Variants in MTUS2 observed in about 807,000 individuals in gnomAD.
MTUS2 encodes microtubule associated scaffold protein 2.
A neutral mutation model predicts 114.1 loss-of-function variants in MTUS2; 40 were observed. The ratio of observed to expected loss-of-function variants is 0.35; its 90% CI spans 0.27 to 0.46. MTUS2 has a LOEUF of 0.46. Among genes scored for constraint, MTUS2 ranks in the 20% least tolerant of loss-of-function variants. The pLI is 1.00. For synonymous variants in MTUS2, 688 were observed against 672.0 expected (o/e 1.02, Z -0.37); for missense variants, 1,679 against 1,705.4 (o/e 0.98, Z 0.27).
intron 8 of MTUS2, among the ~76,000 whole-genome samples, chr13:29,365,424 C>A (rs1870619978): frequency 6.6e-6 from 1 of 151,922 alleles, no homozygotes; most frequent in Non-Finnish European, 1.5e-5. Context: ...AAGATGAGAA[C>A]AGATACCTGA....
intron 5 of MTUS2, among the ~76,000 whole-genome samples, chr13:29,251,193 G>A (rs1435061045): frequency 6.6e-6 from 1 of 151,938 alleles, no homozygotes; most frequent in Non-Finnish European, 1.5e-5. Flanking sequence ...AAGCTTTGGG[G>A]TTAAAACCTT....
At chr13:29,435,565 G>A (rs1877342752) in intron 8 of MTUS2, among the ~76,000 whole-genome samples, 1 of 152,174 alleles carries the variant, frequency 6.6e-6, no homozygotes, top group South Asian at 2.1e-4. Context: ...ACTGGATTCT[G>A]TTGAACCTTG....
At chr13:29,429,031 C>G in intron 8 of MTUS2, 1 of 845,320 alleles carries the variant, frequency 1.2e-6, no homozygotes. Flanking sequence ...GCTCCCTTTA[C>G]TCGTTCCAAT....
At chr13:29,083,873 G>C (rs964714350) in intron 4 of MTUS2, among the ~76,000 whole-genome samples, 1 of 152,116 alleles carries the variant, frequency 6.6e-6, no homozygotes, top group Non-Finnish European at 1.5e-5. Context: ...GAGTGTCCAT[G>C]CTCACTATGG....
chr13:28,975,004 G>A (rs1307805333), intron 2 of MTUS2, among the ~76,000 whole-genome samples: 4 of 152,194 alleles, frequency 2.6e-5, no homozygotes, highest in African/African-American at 9.6e-5. Flanking sequence ...GGAAATGTAA[G>A]GATCGAGTGA....
At chr13:29,307,424 C>T in intron 6 of MTUS2, 2 of 1,261,768 alleles carry the variant, frequency 1.6e-6, no homozygotes, top group Admixed American at 3.5e-5. Context: ...GCTGCCAAGG[C>T]TGTGGCCAAG....
chr13:29,492,762 G>T, intron 12 of MTUS2, 43 bp downstream of exon 12: 7 of 1,454,408 alleles, frequency 4.8e-6, no homozygotes, highest in Non-Finnish European at 6.8e-6. Flanking sequence ...CGAGATAATG[G>T]CAGCATCATT....
intron 2 of MTUS2, among the ~76,000 whole-genome samples, chr13:28,901,703 G>A (rs780616757): frequency 6.6e-6 from 1 of 152,096 alleles, no homozygotes; most frequent in Non-Finnish European, 1.5e-5. Context: ...TCTCTGCTGT[G>A]TTCCATTGGT....
rs1883076402 is a variant in MTUS2 at position 29,503,981 on chromosome 13, GTTACC to G, written c.*776_*780del. The G allele has an allele frequency of 4.3e-6, 1 of 231,316 alleles. No homozygotes were observed. The highest frequency in any genetic ancestry group is 1.8e-4 in the South Asian group (1 of 5,522). 14.3% of individuals were successfully genotyped at this position (231,316 alleles called of 1,614,324 possible). Reference sequence around the variant, plus strand: ...AAGGGGGTTTAGCAGTTTTGCAGATGTTACCCATGACAGTGACTCATCTCTGATAG... The same window carrying G: ...AAGGGGGTTTAGCAGTTTTGCAGATGCATGACAGTGACTCATCTCTGATAG... On this transcript the variant is annotated 3_prime_UTR_variant, in exon 16 of 16. Coordinates refer to ENST00000612955, the MANE Select transcript of MTUS2 (RefSeq NM_001033602.4).
intron 15 of MTUS2, among the ~76,000 whole-genome samples, 159 bp from the exon 16 acceptor site, chr13:29,502,834 A>G (rs1360046744): frequency 6.6e-6 from 1 of 152,114 alleles, no homozygotes; most frequent in Non-Finnish European, 1.5e-5. Flanking sequence ...CCAAATGGAA[A>G]TCATGATTCA....
chr13:29,051,727 A>G (rs1470059642), intron 4 of MTUS2, among the ~76,000 whole-genome samples: 1 of 152,240 alleles, frequency 6.6e-6, no homozygotes. Context: ...AGAAAGGATC[A>G]GTGAATTTGG....
At chr13:28,856,237 G>C (rs1876619290) in intron 2 of MTUS2, among the ~76,000 whole-genome samples, 1 of 152,236 alleles carries the variant, frequency 6.6e-6, no homozygotes. Flanking sequence ...GTGTGCTCCA[G>C]TTTGAAGACT....
chr13:28,877,575 A>G (rs1878023181), intron 2 of MTUS2, among the ~76,000 whole-genome samples: 1 of 152,318 alleles, frequency 6.6e-6, no homozygotes, highest in South Asian at 2.1e-4. Context: ...GGTAGGAGCC[A>G]TAAAACCTCA....
rs142907802 is a variant in MTUS2, at chr13:28,950,317, T to G, written c.-242-74140T>G. Among the ~76,000 whole-genome samples the G allele has an allele frequency of 1.0e-3, 152 of 152,346 alleles. 4 individuals are homozygous for G. In the East Asian group the frequency reaches 0.024, roughly 24 times the overall value. On this transcript the variant is annotated intron_variant, in intron 2 of 15. Coordinates refer to ENST00000612955, the MANE Select transcript of MTUS2 (RefSeq NM_001033602.4). ...TATTTGTTTTTGTTTGTTGTTGAGC[T>G]GTGGAAGCTCTGAAGGGCATTCGGG...
intron 8 of MTUS2, among the ~76,000 whole-genome samples, chr13:29,393,199 A>C (rs952783400): frequency 6.6e-6 from 1 of 152,180 alleles, no homozygotes; most frequent in Non-Finnish European, 1.5e-5. Context: ...TGTATGTTGT[A>C]GTTTCTACTG....
rs147670942 is a variant in MTUS2 at position 29,106,323 on chromosome 13, C to A, written c.2644+5353C>A. On this transcript the variant is annotated intron_variant, in intron 5 of 15. Transcript: ENST00000612955. ...TATCTTTTAATGATATCTGTGATCA[C>A]CTGGCAACCCAGGTTGGGAATTTCA... Among the ~76,000 whole-genome samples, 352 of 152,302 alleles carry A rather than the reference C, an allele frequency of 2.3e-3. 5 individuals are homozygous for A. Among genetic ancestry groups the A allele is most frequent in the South Asian group, 0.018 (89 of 4,822 alleles).
intron 2 of MTUS2, among the ~76,000 whole-genome samples, chr13:28,919,593 CTTGAATA>C (rs1166432184): frequency 2.6e-5 from 4 of 152,058 alleles, no homozygotes; most frequent in Admixed American, 2.6e-4. Context: ...CCTTCTTGCA[CTTGAATA>C]TTGATATATT....
At chr13:29,118,221 G>A (rs1019953179) in intron 5 of MTUS2, among the ~76,000 whole-genome samples, 4 of 151,680 alleles carry the variant, frequency 2.6e-5, no homozygotes, top group South Asian at 2.1e-4. Context: ...TTACCATCAC[G>A]GAAGCCTAGA....
intron 12 of MTUS2, among the ~76,000 whole-genome samples, chr13:29,495,429 G>A (rs1230210448): frequency 2.0e-5 from 3 of 151,434 alleles, no homozygotes; most frequent in Non-Finnish European, 4.4e-5. Context: ...AACCTACTCA[G>A]GGAGGTTTGC....
Sources: allele counts gnomAD v4.1 joint callset (sites outside exome capture counted in the v4.1 genomes callset), GRCh38; gene constraint gnomAD v4.1.1; transcripts MANE v1.5; gene names NCBI Gene and HGNC (gene_info 2026-07-23, HGNC 2026-07-21).